The following KCNB2 variants were observed in gnomAD, a reference collection of about 807,000 sequenced individuals.
The protein encoded by KCNB2 is potassium voltage-gated channel subfamily B member 2.
In KCNB2, 15 loss-of-function variants were observed where a neutral mutation model predicts 61.5. The ratio of observed to expected loss-of-function variants is 0.24; its 90% CI spans 0.16 to 0.38. The LOEUF is 0.38. KCNB2 is among the 10% of genes least tolerant of loss of function. The pLI is 1.00. For missense variants in KCNB2, 828 were observed against 1,125.2 expected, an observed-to-expected ratio of 0.74 and a Z score of 3.78; for synonymous variants, 457 against 446.0, an observed-to-expected ratio of 1.02 and a Z score of -0.31.
At chr8:72,844,942 A>G (rs557384637) in intron 2 of KCNB2, among the ~76,000 whole-genome samples, 3 of 152,198 alleles carry the variant, frequency 2.0e-5, no homozygotes, top group South Asian at 2.1e-4. Flanking sequence ...ACATCTGTCA[A>G]CTCGTCAAAC....
chr8:72,570,361 C>T (rs1019126424), intron 2 of KCNB2, among the ~76,000 whole-genome samples: 3 of 152,114 alleles, frequency 2.0e-5, no homozygotes, highest in African/African-American at 4.8e-5. Context: ...ACTAAATTTC[C>T]ATACAGGATT....
intron 2 of KCNB2, among the ~76,000 whole-genome samples, chr8:72,809,387 C>A (rs774088432): frequency 2.0e-5 from 3 of 152,142 alleles, no homozygotes; most frequent in Admixed American, 6.5e-5. Flanking sequence ...ATGACATTTA[C>A]AAATTAAAAT....
intron 2 of KCNB2, among the ~76,000 whole-genome samples, chr8:72,779,301 CT>C (rs1357734475): frequency 6.6e-6 from 1 of 152,176 alleles, no homozygotes; most frequent in Non-Finnish European, 1.5e-5. Flanking sequence ...ATTGGTCTCT[CT>C]TCAATTTCAC....
At chr8:72,615,014 C>T (rs1359074409) in intron 2 of KCNB2, among the ~76,000 whole-genome samples, 1 of 152,172 alleles carries the variant, frequency 6.6e-6, no homozygotes, top group East Asian at 1.9e-4. Context: ...CATCAGTTCA[C>T]ACCATGAGGA....
chr8:72,857,749 A>G (rs1028740128), intron 2 of KCNB2, among the ~76,000 whole-genome samples: 7 of 152,338 alleles, frequency 4.6e-5, no homozygotes, highest in African/African-American at 1.4e-4. Context: ...ATCATGATGC[A>G]ATAACCTTGG....
intron 2 of KCNB2, among the ~76,000 whole-genome samples, chr8:72,808,769 A>T (rs545248461): frequency 4.6e-4 from 70 of 152,192 alleles, no homozygotes; most frequent in Admixed American, 1.5e-3. Context: ...ATGCCTCCTT[A>T]TCTATCTAGT....
At chr8:72,616,030 C>T (rs184866403) in intron 2 of KCNB2, among the ~76,000 whole-genome samples, 122 of 152,250 alleles carry the variant, frequency 8.0e-4, no homozygotes, top group African/African-American at 2.7e-3. Context: ...GTTCATGAAA[C>T]CCAAGGCTAC....
At chr8:72,835,324 G>A (rs1330615895) in intron 2 of KCNB2, among the ~76,000 whole-genome samples, 1 of 152,124 alleles carries the variant, frequency 6.6e-6, no homozygotes, top group Admixed American at 6.5e-5. Context: ...TAGTTTTATG[G>A]GATATGGTCA....
At chr8:72,538,322 C>A (rs1430986262) in intron 1 of KCNB2, among the ~76,000 whole-genome samples, 2 of 151,532 alleles carry the variant, frequency 1.3e-5, no homozygotes, top group East Asian at 1.9e-4. Context: ...TTCTGTAGCA[C>A]GATTCCTGAG....
At chr8:72,793,110 G>T (rs898469456) in intron 2 of KCNB2, among the ~76,000 whole-genome samples, 2 of 152,116 alleles carry the variant, frequency 1.3e-5, no homozygotes, top group Non-Finnish European at 2.9e-5. Flanking sequence ...ATATCCTTTC[G>T]TATTCTGATG....
chr8:72,906,559 T>G (rs908815571), intron 2 of KCNB2, among the ~76,000 whole-genome samples: 1 of 152,254 alleles, frequency 6.6e-6, no homozygotes, highest in African/African-American at 2.4e-5. Flanking sequence ...GGTGATTTTA[T>G]GTAAAAAATC....
intron 2 of KCNB2, among the ~76,000 whole-genome samples, chr8:72,584,187 C>G (rs1806961101): frequency 6.6e-6 from 1 of 151,658 alleles, no homozygotes; most frequent in Non-Finnish European, 1.5e-5. Context: ...ATCTAGATAC[C>G]TTTTTTAAGG....
Position 72,793,127 on chromosome 8 carries a change from C to T in KCNB2, c.580-142808C>T, listed in dbSNP as rs537597634. Among the ~76,000 whole-genome samples, 242 of 152,284 alleles carry T rather than the reference C, an allele frequency of 1.6e-3. 1 individual carries two copies. The highest frequency in any genetic ancestry group is 5.7e-3 in the African/African-American group (235 of 41,568). ...ATCCTTTCGTATTCTGATGATTACA[C>T]GGATACCACATTTATGTGTTCATTC... On this transcript the variant is annotated intron_variant, in intron 2 of 2. Coordinates refer to ENST00000523207, the MANE Select transcript of KCNB2 (RefSeq NM_004770.3).
chr8:72,818,871 A>G (rs1188380336), intron 2 of KCNB2, among the ~76,000 whole-genome samples: 1 of 152,000 alleles, frequency 6.6e-6, no homozygotes, highest in Non-Finnish European at 1.5e-5. Context: ...TTTCTTTTCC[A>G]TTCTGTCTGA....
chr8:72,553,568 A>T (rs995361378), intron 1 of KCNB2, among the ~76,000 whole-genome samples: 1 of 152,144 alleles, frequency 6.6e-6, no homozygotes, highest in South Asian at 2.1e-4. Context: ...TACTTTTGAG[A>T]TAAATGTCAT....
chr8:72,670,332 C>T (rs1315410065), intron 2 of KCNB2, among the ~76,000 whole-genome samples: 1 of 152,150 alleles, frequency 6.6e-6, no homozygotes, highest in African/African-American at 2.4e-5. Context: ...TTTGCTAGAA[C>T]CTGGACTTGG....
intron 2 of KCNB2, among the ~76,000 whole-genome samples, chr8:72,642,665 A>G (rs1806075202): frequency 6.6e-6 from 1 of 152,072 alleles, no homozygotes; most frequent in African/African-American, 2.4e-5. Flanking sequence ...AATTTTCCTA[A>G]CCAGTTTAGA....
chr8:72,619,598 C>A (rs74780902), intron 2 of KCNB2, among the ~76,000 whole-genome samples: 3,788 of 151,832 alleles, frequency 0.025, 68 homozygotes, highest in Middle Eastern at 0.068. Flanking sequence ...ATAGCTGCCA[C>A]TCCTGCCACT....
At position 72,819,761 on chromosome 8, in the gene KCNB2, T is replaced by C. The variant is rs147123145; in HGVS notation, c.580-116174T>C. On this transcript the variant is annotated intron_variant, in intron 2 of 2. Transcript: ENST00000523207. ...TAACACCTTCCTTATTGATATATGC[T>C]TCCAATCTCTTCCCTCCCAAGTCAC... 2.6e-3 allele frequency among the ~76,000 whole-genome samples: 401 copies of C among 152,254 alleles called. 3 individuals are homozygous for C. Among genetic ancestry groups the C allele is most frequent in the African/African-American group, 6.8e-3 (281 of 41,544 alleles).
Sources: allele counts gnomAD v4.1 joint callset (sites outside exome capture counted in the v4.1 genomes callset), GRCh38; gene constraint gnomAD v4.1.1; transcripts MANE v1.5; gene names NCBI Gene and HGNC (gene_info 2026-07-23, HGNC 2026-07-21).